INTU: variants seen among roughly 807,000 people sequenced by gnomAD.
INTU encodes the protein inturned planar cell polarity protein.
In INTU, 68 loss-of-function variants were observed where a neutral mutation model predicts 100.5. That is an observed-to-expected ratio of 0.68 (90% confidence interval 0.56 to 0.83). INTU has a LOEUF of 0.83. Ranked by LOEUF, INTU falls within the 40% of genes least tolerant of loss-of-function variation. The pLI, the probability that INTU is intolerant of heterozygous loss-of-function variation, is 0.00. For synonymous variants in INTU, 357 were observed against 395.7 expected (o/e 0.90, Z 1.16); for missense variants, 1,071 against 1,114.7 (o/e 0.96, Z 0.56).
intron 15 of INTU, among the ~76,000 whole-genome samples, chr4:127,715,359 G>C (rs1731231169): frequency 6.6e-6 from 1 of 152,188 alleles, no homozygotes; most frequent in Admixed American, 6.5e-5. Flanking sequence ...GTAGTATTAA[G>C]CTGTATGACA....
intron 12 of INTU, 89 bp from the exon 13 acceptor site, chr4:127,708,482 C>A: frequency 3.0e-6 from 2 of 673,858 alleles, no homozygotes; most frequent in Non-Finnish European, 5.2e-6. Flanking sequence ...GTAAGTAGTT[C>A]CCTCAGAAGG....
In INTU at chr4:127,644,952, A is replaced by G. The variant is rs1727506906; in HGVS notation, c.682+896A>G. Among the ~76,000 whole-genome samples, 3 of 152,226 alleles carry G rather than the reference A, an allele frequency of 2.0e-5. No individual in the cohort carries two copies. The South Asian group carries it at 6.2e-4, about 32-fold the overall frequency. ...TCTGCTAAGTGCCAGGAATACAAAG[A>G]TTACTTTACTGATCCAATTATTTCT... On this transcript the variant is annotated intron_variant, in intron 2 of 15. Coordinates refer to ENST00000335251, the MANE Select transcript of INTU (RefSeq NM_015693.4).
At chr4:127,640,721 G>A (rs1267929828) in intron 1 of INTU, among the ~76,000 whole-genome samples, 1 of 150,928 alleles carries the variant, frequency 6.6e-6, no homozygotes, top group Non-Finnish European at 1.5e-5. Context: ...TGAATATTAT[G>A]CAGCCACTAG....
intron 12 of INTU, among the ~76,000 whole-genome samples, chr4:127,707,940 A>T (rs1730956001): frequency 6.6e-6 from 1 of 152,194 alleles, no homozygotes; most frequent in Admixed American, 6.6e-5. Flanking sequence ...TCTGAGAAGG[A>T]GCACAAATAA....
intron 4 of INTU, among the ~76,000 whole-genome samples, chr4:127,666,897 T>G (rs1220107088): frequency 6.6e-6 from 1 of 152,180 alleles, no homozygotes; most frequent in African/African-American, 2.4e-5. Context: ...AAGGATGCAT[T>G]TCCTTGTGTT....
rs1727436421 is a variant in INTU at position 127,643,706 on chromosome 4, T to C, written c.332T>C (p.Leu111Pro). 1 of 1,609,344 alleles carries C rather than the reference T, an allele frequency of 6.2e-7. No individual in the cohort carries two copies. The highest frequency in any genetic ancestry group is 1.3e-5 in the African/African-American group (1 of 74,374). Residue 111 changes from leucine to proline, a missense_variant, in exon 2 of 16, where the codon CTC becomes CCC. Coordinates refer to ENST00000335251, the MANE Select transcript of INTU (RefSeq NM_015693.4). ...GAAAGAAAAAAGTATGAACCCAAAC[T>C]CAAGCAGTTTACCAAAATTTTAAGA... ...YKERKKYEPKLKQFTKILRRK... is the reference protein window; with the variant it reads ...YKERKKYEPKPKQFTKILRRK...
chr4:127,711,855 T>G (rs1185382924), intron 14 of INTU, among the ~76,000 whole-genome samples: 1 of 152,216 alleles, frequency 6.6e-6, no homozygotes, highest in Non-Finnish European at 1.5e-5. Flanking sequence ...ATGCAAATTT[T>G]TTGGCATTTG....
intron 15 of INTU, among the ~76,000 whole-genome samples, chr4:127,714,498 C>T (rs927765594): frequency 2.6e-5 from 4 of 152,052 alleles, no homozygotes; most frequent in African/African-American, 9.7e-5. Context: ...TGTCTCCTTC[C>T]TCTTCCATCC....
rs1168659952 is a variant in INTU, at chr4:127,644,013, G to A, written c.639G>A (p.Leu213=). 6.2e-7 allele frequency: 1 copy of A among 1,614,052 alleles called. No individual in the cohort carries two copies. The highest frequency in any genetic ancestry group is 1.3e-5 in the African/African-American group (1 of 74,948). Residue 213 remains leucine (L), a synonymous_variant, in exon 2 of 16, where the codon CTG becomes CTA. Coordinates refer to ENST00000335251, the MANE Select transcript of INTU (RefSeq NM_015693.4). The part of the protein sequence containing the change: ...GDGERLVVHG[L]LPGGSAMKSG... ...GAGAGAGGCTTGTGGTTCATGGCCT[G>A]CTGCCAGGGGGATCTGCTATGAAGA...
chr4:127,648,663 T>C (rs1021507852), intron 2 of INTU, among the ~76,000 whole-genome samples: 6 of 152,188 alleles, frequency 3.9e-5, no homozygotes, highest in African/African-American at 1.4e-4. Context: ...ACAGAACTAA[T>C]CATTAGGATA....
intron 8 of INTU, among the ~76,000 whole-genome samples, chr4:127,693,236 G>C (rs923847233): frequency 1.3e-5 from 2 of 152,070 alleles, no homozygotes; most frequent in African/African-American, 4.8e-5. Flanking sequence ...CCATTTGTTG[G>C]TATTGTCTAT....
chr4:127,708,764 T>A (rs979283398), intron 13 of INTU, 96 bp downstream of exon 13: 3 of 622,750 alleles, frequency 4.8e-6, no homozygotes, highest in Non-Finnish European at 8.5e-6. Flanking sequence ...ACAAATGTAA[T>A]TCTGATATAT....
At position 127,714,017 on chromosome 4, in the gene INTU, G is replaced by T. The variant is rs967082313; in HGVS notation, c.2641G>T (p.Val881Leu). The T allele has an allele frequency of 6.2e-7, 1 of 1,613,282 alleles. No homozygotes were observed. The highest frequency in any genetic ancestry group is 8.5e-7 in the Non-Finnish European group (1 of 1,179,536). ...SSLNPVKEHG[V>L]LFECSPGNWT... Reference sequence around the variant, plus strand: ...TCTTAACCCTGTTAAAGAACATGGTGTGTTGTTTGAATGTTCACCTGGAAA... The same window carrying T: ...TCTTAACCCTGTTAAAGAACATGGTTTGTTGTTTGAATGTTCACCTGGAAA... Residue 881 changes from valine to leucine, a missense_variant, in exon 15 of 16, where the codon GTG becomes TTG. By Grantham distance (32) the Val-to-Leu change is conservative (BLOSUM62 1). Coordinates refer to ENST00000335251, the MANE Select transcript of INTU (RefSeq NM_015693.4).
intron 2 of INTU, among the ~76,000 whole-genome samples, chr4:127,646,825 CA>C (rs200371742): frequency 2.0e-5 from 3 of 148,826 alleles, no homozygotes; most frequent in East Asian, 2.0e-4. Context: ...GATTGAAACT[CA>C]AAAAAAAATA....
chr4:127,672,583 A>G (rs1414769869), intron 5 of INTU, among the ~76,000 whole-genome samples: 1 of 151,896 alleles, frequency 6.6e-6, no homozygotes, highest in Non-Finnish European at 1.5e-5. Flanking sequence ...AAAGCAGTAA[A>G]TACAGCTAGA....
chr4:127,676,343 T>C (rs1729179099), intron 6 of INTU, among the ~76,000 whole-genome samples: 3 of 152,108 alleles, frequency 2.0e-5, no homozygotes, highest in Admixed American at 2.0e-4. Context: ...CCTAGCACTT[T>C]GGGAGGCCAA....
chr4:127,669,241 A>G, intron 5 of INTU, 87 bp downstream of exon 5: 1 of 628,094 alleles, frequency 1.6e-6, no homozygotes, highest in East Asian at 2.6e-5. Flanking sequence ...TATCTGGTAT[A>G]CAAATATACT....
chr4:127,703,832 T>C (rs773699231), intron 9 of INTU, among the ~76,000 whole-genome samples: 24 of 152,160 alleles, frequency 1.6e-4, no homozygotes, highest in Non-Finnish European at 2.8e-4. Flanking sequence ...TTAATTTTTT[T>C]TACATACCAC....
At position 127,705,618 on chromosome 4, in the gene INTU, A is replaced by G; in HGVS notation, c.1594A>G (p.Lys532Glu). ...TTATTTGATATGCAGTCATTTGCCC[A>G]AGGATGATCTTATTGATATTGCCGT... ...KGYLICSHLP[K>E]DDLIDIAVYC... Residue 532 changes from lysine (K) to glutamate (E), a missense_variant, in exon 11 of 16, where the codon AAG (lysine) becomes GAG (glutamate). By Grantham distance (56) the Lys-to-Glu change is moderately conservative. Coordinates refer to ENST00000335251, the MANE Select transcript of INTU (RefSeq NM_015693.4). 3.7e-6 allele frequency: 6 copies of G among 1,613,952 alleles called. No individual in the cohort carries two copies. The highest frequency in any genetic ancestry group is 5.1e-6 in the Non-Finnish European group (6 of 1,179,872).
Sources: allele counts gnomAD v4.1 joint callset (sites outside exome capture counted in the v4.1 genomes callset), GRCh38; gene constraint gnomAD v4.1.1; transcripts MANE v1.5; gene names NCBI Gene and HGNC (gene_info 2026-07-23, HGNC 2026-07-21).